The following PTPN21 variants were observed in gnomAD, a reference collection of about 807,000 sequenced individuals.
PTPN21 encodes protein tyrosine phosphatase non-receptor type 21.
PTPN21 carries 77 observed loss-of-function variants against 131.8 expected under a neutral mutation model. The observed-to-expected ratio is 0.58, with a 90% CI of 0.49 to 0.71. The LOEUF is 0.71. PTPN21 is among the 30% of genes least tolerant of loss of function. PTPN21 has a pLI of 0.00. For synonymous variants in PTPN21, 715 were observed against 621.3 expected (o/e 1.15, Z -2.24); for missense variants, 1,552 against 1,527.1 (o/e 1.02, Z -0.27).
At chr14:88,523,716 G>GACACACACACAC (rs71126989) in intron 2 of PTPN21, among the ~76,000 whole-genome samples, 1 of 144,442 alleles carries the variant, frequency 6.9e-6, no homozygotes, top group Non-Finnish European at 1.5e-5. Context: ...CCCCAACCGT[G>GACACACACACAC]ACACACACAC....
intron 2 of PTPN21, among the ~76,000 whole-genome samples, chr14:88,546,647 C>T (rs1025608835): frequency 1.3e-5 from 2 of 151,786 alleles, no homozygotes; most frequent in East Asian, 1.9e-4. Context: ...GGACTTTTCC[C>T]TCCATTTATA....
chr14:88,509,997 T>C (rs754428609), intron 3 of PTPN21, among the ~76,000 whole-genome samples: 2 of 152,244 alleles, frequency 1.3e-5, no homozygotes, highest in South Asian at 2.1e-4. Flanking sequence ...GATGGTGCCA[T>C]TGCACTCCAG....
intron 13 of PTPN21, among the ~76,000 whole-genome samples, chr14:88,476,335 G>A (rs1283912303): frequency 6.6e-6 from 1 of 152,076 alleles, no homozygotes; most frequent in Non-Finnish European, 1.5e-5. Context: ...TGTTAATATT[G>A]ACTAATCTCT....
intron 6 of PTPN21, among the ~76,000 whole-genome samples, chr14:88,504,108 A>AACC (rs2078052757): frequency 6.6e-6 from 1 of 152,164 alleles, no homozygotes; most frequent in Non-Finnish European, 1.5e-5. Context: ...GTTTGAGGTT[A>AACC]TCAAACAAAC....
At chr14:88,486,152 A>C (rs1316416461) in intron 10 of PTPN21, among the ~76,000 whole-genome samples, 1 of 152,186 alleles carries the variant, frequency 6.6e-6, no homozygotes, top group Non-Finnish European at 1.5e-5. Context: ...ATTAGCCATA[A>C]GCAGTGGGGA....
At chr14:88,544,525 G>A (rs1374983619) in intron 2 of PTPN21, among the ~76,000 whole-genome samples, 4 of 152,072 alleles carry the variant, frequency 2.6e-5, no homozygotes, top group East Asian at 1.9e-4. Flanking sequence ...ATTTAACACC[G>A]AATCCTCATA....
intron 2 of PTPN21, 64 bp from the exon 3 acceptor site, chr14:88,517,325 C>T (rs979595051): frequency 5.8e-6 from 9 of 1,549,446 alleles, no homozygotes; most frequent in South Asian, 2.3e-5. Context: ...TGACTTCAGT[C>T]GCACTAATCC....
chr14:88,491,108 A>G (rs913208380), intron 10 of PTPN21, among the ~76,000 whole-genome samples: 3 of 151,810 alleles, frequency 2.0e-5, no homozygotes, highest in African/African-American at 7.3e-5. Context: ...AAAAGTCTCA[A>G]TATCCTCACT....
intron 1 of PTPN21, among the ~76,000 whole-genome samples, chr14:88,553,661 T>C (rs1056546650): frequency 1.3e-5 from 2 of 151,896 alleles, no homozygotes; most frequent in Non-Finnish European, 2.9e-5. Flanking sequence ...AGTAAACAGA[T>C]ACATACTAGA....
chr14:88,491,314 A>T (rs1271962062), intron 10 of PTPN21, among the ~76,000 whole-genome samples: 1 of 152,194 alleles, frequency 6.6e-6, no homozygotes, highest in Non-Finnish European at 1.5e-5. Context: ...GCAGCAATAA[A>T]CTACAATAGA....
At position 88,497,251 on chromosome 14, in the gene PTPN21, A is replaced by G. The variant is rs2077932341; in HGVS notation, c.804T>C (p.Phe268=). The G allele has an allele frequency of 6.2e-7, 1 of 1,613,564 alleles. No individual in the cohort carries two copies. Among genetic ancestry groups the G allele is most frequent in the African/African-American group, 1.3e-5 (1 of 74,920 alleles). ...DIANMSHNKS[F]FALELANKEE... Reference sequence around the variant, plus strand: ...CTTTATTTGCCAGCTCTAATGCAAAAAAGGACTTGTTGTGGGACATGTTGG... The same window carrying G: ...CTTTATTTGCCAGCTCTAATGCAAAGAAGGACTTGTTGTGGGACATGTTGG... The change falls in exon 9 of 19, where the codon TTT becomes TTC. Residue 268 remains phenylalanine, a synonymous_variant. Coordinates refer to ENST00000556564, the MANE Select transcript of PTPN21 (RefSeq NM_007039.4).
intron 10 of PTPN21, among the ~76,000 whole-genome samples, chr14:88,490,106 T>C (rs1160075179): frequency 6.6e-6 from 1 of 151,186 alleles, no homozygotes; most frequent in East Asian, 1.9e-4. Context: ...CCTCCCAGGC[T>C]CAAGGGATTC....
chr14:88,478,461 T>A (rs562523023), intron 13 of PTPN21, among the ~76,000 whole-genome samples: 1 of 152,230 alleles, frequency 6.6e-6, no homozygotes, highest in Admixed American at 6.5e-5. Context: ...ACCTGGAGAA[T>A]TATATTAGGA....
intron 10 of PTPN21, among the ~76,000 whole-genome samples, chr14:88,495,141 G>A (rs888029598): frequency 6.6e-6 from 1 of 150,866 alleles, no homozygotes; most frequent in East Asian, 2.0e-4. Context: ...AAACAGGAAA[G>A]TCAGAAGGCT....
chr14:88,468,209 C>T lies in PTPN21; in HGVS notation c.3453G>A (p.Val1151=). The change falls in exon 19 of 19, where the codon GTG becomes GTA. Residue 1151 remains valine (V), a synonymous_variant. Coordinates refer to ENST00000556564, the MANE Select transcript of PTPN21 (RefSeq NM_007039.4). The stretch of plus-strand genomic sequence containing the variant: ...CAAATGTGTACTGGCAGAGAGTCTG[C>T]ACCAGCATCATTCTCTGTTGCCTCA... ...DMLRQQRMML[V]QTLCQYTFVY... 6.2e-7 allele frequency: 1 copy of T among 1,611,588 alleles called. No homozygotes were observed. Among genetic ancestry groups the T allele is most frequent in the African/African-American group, 1.3e-5 (1 of 74,966 alleles).
rs141720430 is a variant in PTPN21 at position 88,479,991 on chromosome 14, C to T, written c.1440G>A (p.Ser480=). ...GCGCCGCGGGCCTGCTGTAGGCGTA[C>T]GAGCTGCCGATGTTGAGGTTTCGCA... is the stretch of plus-strand genomic sequence containing the variant. ...HSLRNLNIGS[S]YAYSRPAALV... The change falls in exon 13 of 19, where the codon TCG becomes TCA. Residue 480 remains serine, a synonymous_variant. Coordinates refer to ENST00000556564, the MANE Select transcript of PTPN21 (RefSeq NM_007039.4). The T allele has an allele frequency of 2.1e-3, 3,434 of 1,611,932 alleles. 8 individuals carry two copies. Among genetic ancestry groups the T allele is most frequent in the Middle Eastern group, 6.4e-3 (39 of 6,060 alleles).
intron 15 of PTPN21, chr14:88,470,404 A>G (rs1000513952): frequency 2.0e-5 from 4 of 197,522 alleles, no homozygotes; most frequent in East Asian, 1.3e-4. Flanking sequence ...ACATAACTCA[A>G]TAAGTAGCTG....
At position 88,517,862 on chromosome 14, in the gene PTPN21, T is replaced by C. The variant is rs575512696; in HGVS notation, c.181-601A>G. 4.8e-5 allele frequency among the ~76,000 whole-genome samples: 7 copies of C among 147,308 alleles called. No individual in the cohort carries two copies. The East Asian group carries it at 6.0e-4, about 13-fold the overall frequency. ...ACACTATATATATGGTATATATATG[T>C]GTATATGTGTATATATACTATATAT... On this transcript the variant is annotated intron_variant, in intron 2 of 18. Coordinates refer to ENST00000556564, the MANE Select transcript of PTPN21 (RefSeq NM_007039.4).
intron 2 of PTPN21, among the ~76,000 whole-genome samples, chr14:88,519,112 C>A (rs1426683019): frequency 6.6e-6 from 1 of 152,166 alleles, no homozygotes; most frequent in Admixed American, 6.5e-5. Flanking sequence ...TTAGATCTCA[C>A]TTGCTGTGAA....
Sources: gnomAD v4.1 joint callset for allele counts (sites outside exome capture counted in the v4.1 genomes callset) on GRCh38, gnomAD v4.1.1 for gene constraint, MANE v1.5 for transcripts, NCBI Gene and HGNC (gene_info 2026-07-23, HGNC 2026-07-21) for gene names.